The following CAMTA1 variants were observed in gnomAD, a reference collection of about 807,000 sequenced individuals.
The protein encoded by CAMTA1 is calmodulin-binding transcription activator 1.
A neutral mutation model predicts 170.9 loss-of-function variants in CAMTA1; 27 were observed. The observed-to-expected ratio is 0.16, with a 90% confidence interval of 0.12 to 0.22. The LOEUF is 0.22. CAMTA1 is among the 10% of genes least tolerant of loss of function. CAMTA1 has a pLI of 1.00. For missense variants in CAMTA1, 1,619 were observed against 2,217.2 expected, an observed-to-expected ratio of 0.73 and a Z score of 5.42; for synonymous variants, 833 against 891.5, an observed-to-expected ratio of 0.93 and a Z score of 1.17.
intron 6 of CAMTA1, among the ~76,000 whole-genome samples, chr1:7,587,678 T>C (rs2095322652): frequency 6.6e-6 from 1 of 152,180 alleles, no homozygotes; most frequent in East Asian, 1.9e-4. Context: ...CTGAAGTGTT[T>C]AGAGATGAGA....
At chr1:7,126,151 T>A (rs1644920061) in intron 4 of CAMTA1, among the ~76,000 whole-genome samples, 1 of 152,144 alleles carries the variant, frequency 6.6e-6, no homozygotes, top group East Asian at 1.9e-4. Flanking sequence ...GCTGCCCCCA[T>A]GATTCAGGTA....
intron 3 of CAMTA1, among the ~76,000 whole-genome samples, chr1:6,938,336 G>A (rs1242547010): frequency 6.6e-6 from 1 of 152,150 alleles, no homozygotes; most frequent in Non-Finnish European, 1.5e-5. Context: ...CTGGTTGGCT[G>A]GGGTCAGGGC....
In CAMTA1 at chr1:7,092,780, G is replaced by T. The variant is rs1251824442; in HGVS notation, c.302+1409G>T. Among the ~76,000 whole-genome samples, 1 of 152,248 alleles carries T rather than the reference G, an allele frequency of 6.6e-6. No individual in the cohort carries two copies. The highest frequency in any genetic ancestry group is 1.5e-5 in the Non-Finnish European group (1 of 68,046). ...GTGGCTTTGGGTTGAGGTCAGGTCT[G>T]CTGTGTGCATCATTTTGCTGTGGGA... is the stretch of plus-strand genomic sequence containing the variant. On this transcript the variant is annotated intron_variant, in intron 4 of 22. Coordinates refer to ENST00000303635, the MANE Select transcript of CAMTA1 (RefSeq NM_015215.4). The surrounding 1 kb of genome is among the most constrained non-coding windows in gnomAD (Gnocchi z 5.0).
intron 3 of CAMTA1, among the ~76,000 whole-genome samples, chr1:6,894,131 G>A (rs745834013): frequency 1.1e-4 from 16 of 152,168 alleles, no homozygotes; most frequent in Non-Finnish European, 2.1e-4. Context: ...TTTGAAGGTT[G>A]GTGTGACATA....
intron 6 of CAMTA1, among the ~76,000 whole-genome samples, chr1:7,631,712 G>A (rs1031681033): frequency 2.6e-5 from 4 of 152,186 alleles, no homozygotes; most frequent in South Asian, 4.1e-4. Context: ...GCAGGCGCCC[G>A]CGTGCCCTGG....
chr1:7,352,488 A>G lies in CAMTA1; in HGVS notation c.438+102862A>G, dbSNP rs115417341. Among the ~76,000 whole-genome samples, 1,138 of 152,302 alleles carry G rather than the reference A, an allele frequency of 7.5e-3. 13 individuals carry two copies. Among genetic ancestry groups the G allele is most frequent in the African/African-American group, 0.026 (1,074 of 41,572 alleles). ...TAACGGAGACACAGTGGCTGAGCTG[A>G]TGACTCTGTCCCAGCTCCAGGCTGT... On this transcript the variant is annotated intron_variant, in intron 5 of 22. Transcript: ENST00000303635.
chr1:7,299,900 C>T lies in CAMTA1; in HGVS notation c.438+50274C>T, dbSNP rs1368176096. Among the ~76,000 whole-genome samples, 1 of 152,150 alleles carries T rather than the reference C, an allele frequency of 6.6e-6. No homozygotes were observed. Among genetic ancestry groups the T allele is most frequent in the Non-Finnish European group, 1.5e-5 (1 of 68,028 alleles). On this transcript the variant is annotated intron_variant, in intron 5 of 22. Transcript: ENST00000303635. This position sits in a 1 kb window ranked among gnomAD's most constrained non-coding sequence, Gnocchi z 4.7. Reference sequence around the variant, plus strand: ...AGGAACACAAAATGAGACCTAGAGTCTTAGAAGGGGCCCGTGCAACCAGAG... The same window carrying T: ...AGGAACACAAAATGAGACCTAGAGTTTTAGAAGGGGCCCGTGCAACCAGAG...
chr1:7,512,876 A>T (rs2094221450), intron 6 of CAMTA1, among the ~76,000 whole-genome samples: 1 of 152,220 alleles, frequency 6.6e-6, no homozygotes, highest in Admixed American at 6.5e-5. Context: ...GCAAGGGGAC[A>T]GTCAGAGAGG....
intron 4 of CAMTA1, among the ~76,000 whole-genome samples, chr1:7,196,818 C>T (rs78554269): frequency 6.6e-6 from 1 of 152,164 alleles, no homozygotes; most frequent in Non-Finnish European, 1.5e-5. Context: ...GAATTATTCA[C>T]CAGGAGACCT....
At position 7,732,349 on chromosome 1, in the gene CAMTA1, G is replaced by A; in HGVS notation, c.2915-99G>A. On this transcript the variant is annotated intron_variant, in intron 11 of 22. Coordinates refer to ENST00000303635, the MANE Select transcript of CAMTA1 (RefSeq NM_015215.4). This position sits in a 1 kb window ranked among gnomAD's most constrained non-coding sequence, Gnocchi z 4.1. ...ACCTCTCTGGTTTGGTGAAGTTACG[G>A]ACGGCATTTGGATGCTGGTCCCGCA... 1.0e-6 allele frequency: 1 copy of A among 1,000,528 alleles called. No homozygotes were observed. The highest frequency in any genetic ancestry group is 1.6e-6 in the Non-Finnish European group (1 of 641,162). 62.0% of individuals were successfully genotyped at this position (1,000,528 alleles called of 1,614,324 possible).
intron 4 of CAMTA1, among the ~76,000 whole-genome samples, chr1:7,190,183 A>C (rs1347437534): frequency 2.6e-5 from 4 of 152,322 alleles, no homozygotes; most frequent in African/African-American, 9.6e-5. Flanking sequence ...GGTTCAGTGT[A>C]TACTGCCTGG....
chr1:7,524,392 T>C (rs545460385), intron 6 of CAMTA1, among the ~76,000 whole-genome samples: 10 of 152,308 alleles, frequency 6.6e-5, no homozygotes, highest in Admixed American at 6.5e-4. Flanking sequence ...GTAGATTTCT[T>C]GGAATTTTCT....
At chr1:7,231,467 G>C (rs1234435844) in intron 4 of CAMTA1, among the ~76,000 whole-genome samples, 2 of 152,070 alleles carry the variant, frequency 1.3e-5, no homozygotes, top group African/African-American at 4.8e-5. Context: ...CTGCCTCCCA[G>C]GTTCAAGCAA....
chr1:7,414,636 G>T (rs946053709), intron 5 of CAMTA1, among the ~76,000 whole-genome samples: 1 of 152,120 alleles, frequency 6.6e-6, no homozygotes, highest in Non-Finnish European at 1.5e-5. Context: ...GTGTCTGTTT[G>T]ATTCTTCTCT....
At chr1:7,438,452 C>G (rs538353245) in intron 5 of CAMTA1, among the ~76,000 whole-genome samples, 5 of 152,196 alleles carry the variant, frequency 3.3e-5, no homozygotes, top group Non-Finnish European at 4.4e-5. Flanking sequence ...TCGGGGCAAC[C>G]ATGGCTGGAG....
chr1:7,635,132 C>T lies in CAMTA1; in HGVS notation c.511-5268C>T, dbSNP rs1173317541. Among the ~76,000 whole-genome samples, 1 of 152,226 alleles carries T rather than the reference C, an allele frequency of 6.6e-6. No individual in the cohort carries two copies. The highest frequency in any genetic ancestry group is 1.5e-5 in the Non-Finnish European group (1 of 68,048). On this transcript the variant is annotated intron_variant, in intron 6 of 22. Coordinates refer to ENST00000303635, the MANE Select transcript of CAMTA1 (RefSeq NM_015215.4). The surrounding 1 kb of genome is among the most constrained non-coding windows in gnomAD (Gnocchi z 4.4). Reference sequence around the variant, plus strand: ...AGCAAGGGCTCATCTCCAAAGGTCACGATCACTTTGGGGGGTGACCCCTAG... The same window carrying T: ...AGCAAGGGCTCATCTCCAAAGGTCATGATCACTTTGGGGGGTGACCCCTAG...
chr1:6,897,621 G>C (rs1675925226), intron 3 of CAMTA1, among the ~76,000 whole-genome samples: 1 of 152,166 alleles, frequency 6.6e-6, no homozygotes, highest in Non-Finnish European at 1.5e-5. Flanking sequence ...TTGAAAGGCA[G>C]TGTCTTTCCC....
chr1:7,310,233 A>C (rs1403192116), intron 5 of CAMTA1, among the ~76,000 whole-genome samples: 2 of 152,178 alleles, frequency 1.3e-5, no homozygotes, highest in Non-Finnish European at 2.9e-5. Flanking sequence ...TTCTTTCATC[A>C]CTTAAAAAAT....
At chr1:7,388,829 C>G (rs567661600) in intron 5 of CAMTA1, among the ~76,000 whole-genome samples, 3 of 152,228 alleles carry the variant, frequency 2.0e-5, no homozygotes, top group Admixed American at 1.3e-4. Context: ...GGTTCAGACA[C>G]GGAGACCAGT....
Sources: gnomAD v4.1 joint callset for allele counts (sites outside exome capture counted in the v4.1 genomes callset) on GRCh38, gnomAD v4.1.1 for gene constraint, Gnocchi (gnomAD v3.1) non-coding constraint, MANE v1.5 for transcripts, NCBI Gene and HGNC (gene_info 2026-07-23, HGNC 2026-07-21) for gene names.